PARD3B: variants seen among roughly 807,000 people sequenced by gnomAD.
PARD3B encodes the protein partitioning defective 3 homolog B.
A neutral mutation model predicts 130.2 loss-of-function variants in PARD3B; 103 were observed. The observed-to-expected ratio is 0.79, with a 90% confidence interval of 0.67 to 0.93. PARD3B has a LOEUF of 0.93. PARD3B is among the 40% of genes least tolerant of loss of function. PARD3B has a pLI of 0.00. For synonymous variants in PARD3B, 583 were observed against 553.2 expected (o/e 1.05, Z -0.76); for missense variants, 1,609 against 1,499.2 (o/e 1.07, Z -1.21).
At chr2:204,882,909 G>GAACCCTCTAAAA (rs2046109569) in intron 2 of PARD3B, among the ~76,000 whole-genome samples, 1 of 152,056 alleles carries the variant, frequency 6.6e-6, no homozygotes, top group Non-Finnish European at 1.5e-5. Flanking sequence ...GTGGAATTTG[G>GAACCCTCTAAAA]GGATTATTCT....
intron 2 of PARD3B, among the ~76,000 whole-genome samples, chr2:204,833,120 AATTG>A (rs2043892018): frequency 6.6e-6 from 1 of 152,190 alleles, no homozygotes; most frequent in Admixed American, 6.5e-5. Context: ...GGCGAATGCA[AATTG>A]CATGCCTTAT....
chr2:205,043,997 C>CT (rs1416442964), intron 3 of PARD3B, among the ~76,000 whole-genome samples: 10 of 148,986 alleles, frequency 6.7e-5, no homozygotes, highest in Non-Finnish European at 1.5e-4. Flanking sequence ...TGATGTTCCC[C>CT]TTCCTGTGTC....
intron 2 of PARD3B, among the ~76,000 whole-genome samples, chr2:204,766,085 C>T (rs947971311): frequency 1.1e-4 from 16 of 152,144 alleles, no homozygotes; most frequent in African/African-American, 3.9e-4. Context: ...TATTAGGTTT[C>T]CACTTTTAAG....
chr2:205,534,342 G>T (rs2051741756), intron 21 of PARD3B, among the ~76,000 whole-genome samples: 1 of 152,200 alleles, frequency 6.6e-6, no homozygotes, highest in Non-Finnish European at 1.5e-5. Context: ...AAAGTGGTCG[G>T]AGAAGGCTAA....
Position 205,616,147 on chromosome 2 carries a change from TG to T in PARD3B, c.*336del, listed in dbSNP as rs2055427246. ...GGAACTCTACTCTGGGGATCCTCTC[TG>T]GCTAGATAACCTGTGCTGATGTGCA... is the stretch of plus-strand genomic sequence containing the variant. On this transcript the variant is annotated 3_prime_UTR_variant, in exon 23 of 23. Transcript: ENST00000406610. The T allele has an allele frequency of 3.8e-6, 1 of 266,508 alleles. No individual in the cohort carries two copies. Among genetic ancestry groups the T allele is most frequent in the Non-Finnish European group, 7.1e-6 (1 of 141,254 alleles). The allele number at this position is 266,508 out of a possible 1,614,324, so 16.5% of individuals were successfully genotyped here. A position where few individuals can be genotyped will look rare whatever the true frequency, so the allele number is the denominator to read the frequency against.
intron 16 of PARD3B, among the ~76,000 whole-genome samples, chr2:205,256,624 CAAAT>C (rs900330486): frequency 2.6e-5 from 4 of 152,058 alleles, no homozygotes; most frequent in Non-Finnish European, 4.4e-5. Context: ...ATTTAGGTAA[CAAAT>C]AATTTATGGA....
chr2:204,971,768 T>A (rs1378352700), intron 3 of PARD3B, among the ~76,000 whole-genome samples: 2 of 152,006 alleles, frequency 1.3e-5, no homozygotes, highest in Non-Finnish European at 2.9e-5. Flanking sequence ...AAATCAGGAC[T>A]AAGGAGGCTA....
intron 2 of PARD3B, among the ~76,000 whole-genome samples, chr2:204,774,449 G>C (rs1303400768): frequency 6.6e-6 from 1 of 151,964 alleles, no homozygotes; most frequent in African/African-American, 2.4e-5. Context: ...AGCAGGTTTG[G>C]GATATAGTGT....
At chr2:204,628,436 T>C (rs2034561823) in intron 1 of PARD3B, among the ~76,000 whole-genome samples, 1 of 152,136 alleles carries the variant, frequency 6.6e-6, no homozygotes. Context: ...AATGCATAAA[T>C]TTAAAGAGAG....
rs1355425667 is a variant in PARD3B at position 204,675,913 on chromosome 2, A to G, written c.121-10268A>G. ...TTGCAATTATTTTGTTTAGAATTAT[A>G]CATCAGAAGAAAACAACTATTAATA... On this transcript the variant is annotated intron_variant, in intron 1 of 22. Coordinates refer to ENST00000406610, the MANE Select transcript of PARD3B (RefSeq NM_001302769.2). The surrounding 1 kb of genome is among the most constrained non-coding windows in gnomAD (Gnocchi z 4.4). Among the ~76,000 whole-genome samples the G allele has an allele frequency of 6.6e-6, 1 of 152,196 alleles. No homozygotes were observed. The highest frequency in any genetic ancestry group is 1.5e-5 in the Non-Finnish European group (1 of 68,022).
intron 1 of PARD3B, among the ~76,000 whole-genome samples, chr2:204,684,749 C>G (rs928726197): frequency 6.6e-6 from 1 of 152,180 alleles, no homozygotes; most frequent in East Asian, 1.9e-4. Flanking sequence ...TTTGAGATCT[C>G]TATCTGTGCC....
intron 3 of PARD3B, among the ~76,000 whole-genome samples, chr2:205,030,162 A>G (rs1454393984): frequency 1.3e-5 from 2 of 152,096 alleles, no homozygotes; most frequent in African/African-American, 4.8e-5. Context: ...CAGCCCACAG[A>G]TTGAGAAAAC....
intron 2 of PARD3B, among the ~76,000 whole-genome samples, chr2:204,917,423 T>C (rs2047489569): frequency 6.6e-6 from 1 of 152,168 alleles, no homozygotes; most frequent in Admixed American, 6.5e-5. Context: ...ATTTATTTCA[T>C]GTGAGGAGTG....
At chr2:205,174,311 A>T (rs936521789) in intron 12 of PARD3B, among the ~76,000 whole-genome samples, 4 of 152,214 alleles carry the variant, frequency 2.6e-5, no homozygotes, top group African/African-American at 9.6e-5. Flanking sequence ...TGGGTCAAAA[A>T]GCAATTTCTA....
In PARD3B at chr2:204,704,323, G is replaced by A. The variant is rs80328193; in HGVS notation, c.222+18041G>A. Among the ~76,000 whole-genome samples the A allele has an allele frequency of 1.6e-3, 237 of 152,256 alleles. 1 individual carries two copies. Among genetic ancestry groups the A allele is most frequent in the African/African-American group, 5.2e-3 (218 of 41,540 alleles). On this transcript the variant is annotated intron_variant, in intron 2 of 22. Coordinates refer to ENST00000406610, the MANE Select transcript of PARD3B (RefSeq NM_001302769.2). Reference sequence around the variant, plus strand: ...TGTATCAGTATATGTAAAGATGAACGTTGAAACTGTAGCTCTTGTTACTTC... The same window carrying A: ...TGTATCAGTATATGTAAAGATGAACATTGAAACTGTAGCTCTTGTTACTTC...
In PARD3B at chr2:205,399,983, C is replaced by T. The variant is rs544664760; in HGVS notation, c.2631-1030C>T. ...GTGGGAGGTCTTGGTCAAGGTTCGA[C>T]ACCTCTCAGAGCTTTTGGTTCTTCA... On this transcript the variant is annotated intron_variant, in intron 18 of 22. Transcript: ENST00000406610. Among the ~76,000 whole-genome samples, 3 of 152,264 alleles carry T rather than the reference C, an allele frequency of 2.0e-5. No individual in the cohort carries two copies. In the South Asian group the frequency reaches 6.2e-4, roughly 32 times the overall value.
chr2:205,615,432 A>G (rs201119406), intron 22 of PARD3B, 24 bp from the exon 23 acceptor site: 7 of 1,554,422 alleles, frequency 4.5e-6, no homozygotes, highest in African/African-American at 4.1e-5. Flanking sequence ...AGCTGCTAAC[A>G]TGTGTCTCTT....
At chr2:205,191,880 G>T (rs2036418319) in intron 14 of PARD3B, among the ~76,000 whole-genome samples, 1 of 152,054 alleles carries the variant, frequency 6.6e-6, no homozygotes, top group African/African-American at 2.4e-5. Flanking sequence ...AGGAGATGAG[G>T]TCTACCTTTG....
chr2:205,377,294 A>G (rs944223002), intron 18 of PARD3B, among the ~76,000 whole-genome samples: 1 of 152,284 alleles, frequency 6.6e-6, no homozygotes. Flanking sequence ...TTTCACCTGG[A>G]GTTCATGGTA....
Sources: gnomAD v4.1 joint callset for allele counts (sites outside exome capture counted in the v4.1 genomes callset) on GRCh38, gnomAD v4.1.1 for gene constraint, Gnocchi (gnomAD v3.1) non-coding constraint, MANE v1.5 for transcripts, NCBI Gene and HGNC (gene_info 2026-07-23, HGNC 2026-07-21) for gene names.